TDRD9: variants seen among roughly 807,000 people sequenced by gnomAD.
The protein encoded by TDRD9 is tudor domain containing 9.
TDRD9 carries 124 observed loss-of-function variants against 172.6 expected under a neutral mutation model. The observed-to-expected ratio is 0.72, with a 90% CI of 0.62 to 0.83. TDRD9 has a LOEUF of 0.83. TDRD9 is among the 40% of genes least tolerant of loss of function. The pLI is 0.00. For missense variants in TDRD9, 1,479 were observed against 1,714.1 expected (o/e 0.86, Z 2.42); for synonymous variants, 619 against 617.1 (o/e 1.00, Z -0.05).
Position 103,997,299 on chromosome 14 carries a change from G to A in TDRD9, c.1379-1325G>A, listed in dbSNP as rs1436321004. Among the ~76,000 whole-genome samples the A allele has an allele frequency of 6.6e-6, 1 of 152,204 alleles. No homozygotes were observed. Among genetic ancestry groups the A allele is most frequent in the Non-Finnish European group, 1.5e-5 (1 of 68,042 alleles). On this transcript the variant is annotated intron_variant, in intron 12 of 35. Transcript: ENST00000409874. This position sits in a 1 kb window ranked among gnomAD's most constrained non-coding sequence, Gnocchi z 5.1. ...GGACAGCAGCGGTAGGGGACAGGAG[G>A]TGGGGGTAGATCCCAGGGAGATTCT...
intron 9 of TDRD9, among the ~76,000 whole-genome samples, chr14:103,993,781 T>C (rs924203408): frequency 6.6e-6 from 1 of 152,250 alleles, no homozygotes; most frequent in Non-Finnish European, 1.5e-5. Context: ...GCAATGACTC[T>C]ATTTCCAAAT....
intron 1 of TDRD9, among the ~76,000 whole-genome samples, chr14:103,933,767 T>C (rs181039486): frequency 1.3e-5 from 2 of 152,268 alleles, no homozygotes; most frequent in African/African-American, 4.8e-5. Flanking sequence ...GCCTGCTGTA[T>C]TGGGCATTGT....
At chr14:103,943,715 C>T (rs1198069452) in intron 1 of TDRD9, among the ~76,000 whole-genome samples, 1 of 152,100 alleles carries the variant, frequency 6.6e-6, no homozygotes, top group African/African-American at 2.4e-5. Flanking sequence ...GTCTTTTACT[C>T]CCCAGTTCTC....
intron 1 of TDRD9, among the ~76,000 whole-genome samples, chr14:103,931,759 G>T (rs1164681641): frequency 1.3e-5 from 2 of 152,186 alleles, no homozygotes; most frequent in Non-Finnish European, 2.9e-5. Context: ...CATAGGACAG[G>T]AAGATTAGCT....
At chr14:104,035,362 A>G (rs79725992) in intron 32 of TDRD9, among the ~76,000 whole-genome samples, 1,610 of 152,346 alleles carry the variant, frequency 0.011, 9 homozygotes, top group Middle Eastern at 0.017. Flanking sequence ...GGTGATGGAC[A>G]TCCCATTGTT....
chr14:103,985,889 A>G (rs538539775), intron 7 of TDRD9, among the ~76,000 whole-genome samples: 1 of 152,352 alleles, frequency 6.6e-6, no homozygotes, highest in Non-Finnish European at 1.5e-5. Flanking sequence ...CCTGGGTTCC[A>G]TAGACATTTG....
chr14:104,050,411 C>T (rs8022184), intron 35 of TDRD9, among the ~76,000 whole-genome samples: 7,164 of 152,240 alleles, frequency 0.047, 434 homozygotes, highest in African/African-American at 0.14. Flanking sequence ...CAAAGCCCTT[C>T]ATAGGCTCCC....
chr14:103,998,560 G>A lies in TDRD9; in HGVS notation c.1379-64G>A. On this transcript the variant is annotated intron_variant, in intron 12 of 35. Coordinates refer to ENST00000409874, the MANE Select transcript of TDRD9 (RefSeq NM_153046.3). ...TCAAATGGCTTTATCACTATGCATT[G>A]TGATTTATTATGCAATGATCTCTTA... 3 of 908,598 alleles carry A rather than the reference G, an allele frequency of 3.3e-6. No homozygotes were observed. The South Asian group carries it at 4.2e-5, about 13-fold the overall frequency. The allele number at this position is 908,598 out of a possible 1,614,324, so 56.3% of individuals were successfully genotyped here. A position where few individuals can be genotyped will look rare whatever the true frequency, so the allele number is the denominator to read the frequency against.
At chr14:104,043,535 G>A (rs1220718297) in intron 34 of TDRD9, among the ~76,000 whole-genome samples, 1 of 152,082 alleles carries the variant, frequency 6.6e-6, no homozygotes, top group Non-Finnish European at 1.5e-5. Flanking sequence ...TGCCTGGCCA[G>A]TAAAAATATT....
chr14:103,942,147 C>T (rs913673608), intron 1 of TDRD9: 5 of 161,902 alleles, frequency 3.1e-5, no homozygotes, highest in African/African-American at 9.6e-5. Context: ...AAGTTGGTGA[C>T]GAAGCTGTGT....
rs998914232 is a variant in TDRD9 at position 103,980,009 on chromosome 14, A to G, written c.1011+4456A>G. Among the ~76,000 whole-genome samples, 1 of 151,862 alleles carries G rather than the reference A, an allele frequency of 6.6e-6. No homozygotes were observed. The highest frequency in any genetic ancestry group is 2.4e-5 in the African/African-American group (1 of 41,318). ...TCCCATCTCAGCCTTCCAAGAAGCT[A>G]TGACTACAGATGCATACCACCATGC... On this transcript the variant is annotated intron_variant, in intron 7 of 35. Transcript: ENST00000409874. This position sits in a 1 kb window ranked among gnomAD's most constrained non-coding sequence, Gnocchi z 4.5.
At chr14:104,043,887 TG>T (rs2035683708) in intron 34 of TDRD9, among the ~76,000 whole-genome samples, 1 of 152,334 alleles carries the variant, frequency 6.6e-6, no homozygotes, top group South Asian at 2.1e-4. Context: ...CCCTCTCTGC[TG>T]TCTGAGAACA....
chr14:104,012,213 C>T (rs896328330), intron 20 of TDRD9, among the ~76,000 whole-genome samples: 12 of 152,082 alleles, frequency 7.9e-5, no homozygotes, highest in East Asian at 3.8e-4. Context: ...CATATTCTAG[C>T]GTGAACTCTT....
At position 103,984,712 on chromosome 14, in the gene TDRD9, G is replaced by A. The variant is rs566786617; in HGVS notation, c.1012-1505G>A. 9.8e-5 allele frequency among the ~76,000 whole-genome samples: 15 copies of A among 152,304 alleles called. 1 individual carries two copies. In the South Asian group the frequency reaches 2.7e-3, roughly 27 times the overall value. ...AGGCCTCCACACAGACTCCAACTGG[G>A]GCACCACCTAATGGAGCTGTGAGAA... On this transcript the variant is annotated intron_variant, in intron 7 of 35. Coordinates refer to ENST00000409874, the MANE Select transcript of TDRD9 (RefSeq NM_153046.3).
chr14:103,933,471 C>A (rs1186429463), intron 1 of TDRD9, among the ~76,000 whole-genome samples: 2 of 152,124 alleles, frequency 1.3e-5, no homozygotes, highest in Non-Finnish European at 2.9e-5. Context: ...CTTTGGGAAG[C>A]CTTCATCATA....
At chr14:103,961,146 A>G (rs555452843) in intron 2 of TDRD9, among the ~76,000 whole-genome samples, 5 of 152,322 alleles carry the variant, frequency 3.3e-5, no homozygotes, top group Non-Finnish European at 1.5e-5. Flanking sequence ...AGGCCTAGGT[A>G]TATTAACTGG....
chr14:103,998,790 G>GT, intron 13 of TDRD9, 62 bp downstream of exon 13: 2 of 824,070 alleles, frequency 2.4e-6, no homozygotes, highest in Admixed American at 2.3e-5. Context: ...ACATTCAGGT[G>GT]CTTTTTTTTT....
At chr14:103,966,685 T>C in intron 4 of TDRD9, 24 bp from the exon 5 acceptor site, 1 of 1,500,484 alleles carries the variant, frequency 6.7e-7, no homozygotes, top group Non-Finnish European at 8.9e-7. Flanking sequence ...TTTTTTCCTT[T>C]CCTTTTTCCT....
chr14:103,948,921 A>C (rs2031719060), intron 1 of TDRD9, among the ~76,000 whole-genome samples: 2 of 150,874 alleles, frequency 1.3e-5, no homozygotes, highest in Non-Finnish European at 3.0e-5. Context: ...TTGAAAGGAC[A>C]AATACTCTGT....
Sources: gnomAD v4.1 joint callset for allele counts (sites outside exome capture counted in the v4.1 genomes callset) on GRCh38, gnomAD v4.1.1 for gene constraint, Gnocchi (gnomAD v3.1) non-coding constraint, MANE v1.5 for transcripts, NCBI Gene and HGNC (gene_info 2026-07-23, HGNC 2026-07-21) for gene names.